FBLN2: variants seen among roughly 807,000 people sequenced by gnomAD.
The protein encoded by FBLN2 is fibulin 2, also known as fibulin-2.
A neutral mutation model predicts 123.7 loss-of-function variants in FBLN2; 81 were observed. The observed-to-expected ratio is 0.65, with a 90% CI of 0.55 to 0.79. FBLN2 has a LOEUF of 0.79. Ranked by LOEUF, FBLN2 falls within the 30% of genes least tolerant of loss-of-function variation. FBLN2 has a pLI of 0.00. For synonymous variants in FBLN2, 699 were observed against 701.4 expected (o/e 1.00, Z 0.05); for missense variants, 1,603 against 1,681.3 (o/e 0.95, Z 0.81).
chr3:13,559,675 G>C (rs953644190), intron 1 of FBLN2, among the ~76,000 whole-genome samples: 1 of 152,240 alleles, frequency 6.6e-6, no homozygotes, highest in South Asian at 2.1e-4. Context: ...AAACCACCCA[G>C]TGTCGCTGCA....
rs78052132 is a variant in FBLN2, at chr3:13,628,652, C to T, written c.2570-253C>T. Reference sequence around the variant, plus strand: ...GTGTAGTTATCCTAGCACTCAGCCTCGATCCCGCCCTGCCTCCAGCTGCTC... The same window carrying T: ...GTGTAGTTATCCTAGCACTCAGCCTTGATCCCGCCCTGCCTCCAGCTGCTC... On this transcript the variant is annotated intron_variant, in intron 11 of 17. Transcript: ENST00000404922. Among the ~76,000 whole-genome samples, 91 of 152,338 alleles carry T rather than the reference C, an allele frequency of 6.0e-4. No homozygotes were observed. The East Asian group carries it at 0.015, about 26-fold the overall frequency.
Position 13,635,135 on chromosome 3 carries a change from C to T in FBLN2, c.3215-1310C>T, listed in dbSNP as rs572989757. ...TCTGTCTGAGGAAGCCAGTGACCCTCGCTGCACAGGGCTGGTGTGAGGACT... is the reference window on the plus strand; with the variant it reads ...TCTGTCTGAGGAAGCCAGTGACCCTTGCTGCACAGGGCTGGTGTGAGGACT... On this transcript the variant is annotated intron_variant, in intron 16 of 17. Coordinates refer to ENST00000404922, the MANE Select transcript of FBLN2 (RefSeq NM_001004019.2). 4.6e-5 allele frequency among the ~76,000 whole-genome samples: 7 copies of T among 152,328 alleles called. No homozygotes were observed. The East Asian group carries it at 9.6e-4, about 21-fold the overall frequency.
chr3:13,551,564 A>G (rs1559395145), intron 1 of FBLN2, among the ~76,000 whole-genome samples: 1 of 152,128 alleles, frequency 6.6e-6, no homozygotes, highest in Non-Finnish European at 1.5e-5. Context: ...CTCCAAAGCA[A>G]AGCTCTTTGC....
chr3:13,606,908 C>T (rs1033179756), intron 2 of FBLN2, among the ~76,000 whole-genome samples: 31 of 152,330 alleles, frequency 2.0e-4, no homozygotes, highest in African/African-American at 7.0e-4. Context: ...CTGCCTAGGC[C>T]TCCCAAAGTG....
intron 4 of FBLN2, among the ~76,000 whole-genome samples, chr3:13,610,845 C>T (rs1225601308): frequency 6.6e-6 from 1 of 152,056 alleles, no homozygotes; most frequent in Admixed American, 6.6e-5. Flanking sequence ...CATTTGCCAC[C>T]TCTTGGTCCA....
chr3:13,629,013 G>A lies in FBLN2; in HGVS notation c.2678G>A (p.Gly893Asp), dbSNP rs776478547. ...CQRNPLICAR[G>D]YHASDDGTKC... is the part of the protein sequence containing the mutation. ...AGGAACCCGCTGATCTGCGCGCGCG[G>A]CTACCACGCCAGCGATGATGGGACC... The change falls in exon 12 of 18, where the codon GGC (glycine) becomes GAC (aspartate). Residue 893 changes from glycine (G) to aspartate (D), a missense_variant. Gly to Asp is a moderately conservative substitution (Grantham distance 94, BLOSUM62 -1). Transcript: ENST00000404922. 1 of 1,613,404 alleles carries A rather than the reference G, an allele frequency of 6.2e-7. No homozygotes were observed. Among genetic ancestry groups the A allele is most frequent in the Non-Finnish European group, 8.5e-7 (1 of 1,179,788 alleles).
Position 13,637,942 on chromosome 3 carries a change from G to T in FBLN2, c.*23G>T. 1.3e-6 allele frequency: 2 copies of T among 1,554,610 alleles called. No homozygotes were observed. Among genetic ancestry groups the T allele is most frequent in the Non-Finnish European group, 1.7e-6 (2 of 1,143,918 alleles). On this transcript the variant is annotated 3_prime_UTR_variant, in exon 18 of 18. Coordinates refer to ENST00000404922, the MANE Select transcript of FBLN2 (RefSeq NM_001004019.2). ...TGAGGTGCCAGCACGGGCCACCTGCGGGTGTGGCGCAGCCCAGGGCTCACA... is the reference window on the plus strand; with the variant it reads ...TGAGGTGCCAGCACGGGCCACCTGCTGGTGTGGCGCAGCCCAGGGCTCACA...
chr3:13,635,545 C>G (rs77753882), intron 16 of FBLN2, among the ~76,000 whole-genome samples: 1 of 152,192 alleles, frequency 6.6e-6, no homozygotes, highest in African/African-American at 2.4e-5. Flanking sequence ...TGGAGGTGTG[C>G]GTGTGCTCAC....
At chr3:13,586,871 G>GGTGCGGT (rs1704524322) in intron 2 of FBLN2, among the ~76,000 whole-genome samples, 1 of 151,318 alleles carries the variant, frequency 6.6e-6, no homozygotes, top group African/African-American at 2.4e-5. Context: ...AAATAGGCTG[G>GGTGCGGT]GTGCGGTGGC....
chr3:13,591,533 C>CT (rs1232593348), intron 2 of FBLN2, among the ~76,000 whole-genome samples: 2 of 152,374 alleles, frequency 1.3e-5, no homozygotes, highest in Admixed American at 6.5e-5. Flanking sequence ...AGTGATCCAC[C>CT]TACCTCAGCC....
rs772042846 is a variant in FBLN2 at position 13,571,604 on chromosome 3, G to A, written c.1249G>A (p.Val417Met). 5.6e-6 allele frequency: 9 copies of A among 1,612,388 alleles called. No homozygotes were observed. The highest frequency in any genetic ancestry group is 5.5e-5 in the South Asian group (5 of 90,702). Residue 417 changes from valine (V) to methionine (M), a missense_variant, in exon 2 of 18, where the codon GTG becomes ATG. Transcript: ENST00000404922. Reference protein sequence around the residue: ...RKPQVLPHSHVEEDTDPNSVH... With the variant: ...RKPQVLPHSHMEEDTDPNSVH... ...GCCGCAAGTTCTGCCCCATTCCCAC[G>A]TGGAGGAGGACACAGACCCCAACTC...
At chr3:13,580,664 T>A (rs533516538) in intron 2 of FBLN2, among the ~76,000 whole-genome samples, 3 of 152,292 alleles carry the variant, frequency 2.0e-5, no homozygotes, top group Admixed American at 1.3e-4. Context: ...CCAGTGAGTC[T>A]CACTGGTCAC....
intron 13 of FBLN2, 43 bp downstream of exon 13, chr3:13,629,335 G>T: frequency 1.3e-6 from 2 of 1,563,808 alleles, no homozygotes; most frequent in African/African-American, 1.3e-5. Flanking sequence ...ACACCTGGCT[G>T]GTCCCCTGCC....
At chr3:13,621,944 C>T (rs373874388) in intron 9 of FBLN2, 29 bp downstream of exon 9, 36 of 1,603,700 alleles carry the variant, frequency 2.2e-5, no homozygotes, top group African/African-American at 2.0e-4. Flanking sequence ...TGCCGCCCGC[C>T]GTCACAGCTC....
rs1430937000 is a variant in FBLN2 at position 13,633,065 on chromosome 3, C to G, written c.3214+1608C>G. 3.3e-5 allele frequency among the ~76,000 whole-genome samples: 5 copies of G among 152,242 alleles called. 1 individual carries two copies. In the South Asian group the frequency reaches 1.0e-3, roughly 32 times the overall value. On this transcript the variant is annotated intron_variant, in intron 16 of 17. Transcript: ENST00000404922. Reference sequence around the variant, plus strand: ...CTTGGAGGAGTTTCAGGATGCAAACCTGTCTGCATTGAGGACAGACTCTCC... The same window carrying G: ...CTTGGAGGAGTTTCAGGATGCAAACGTGTCTGCATTGAGGACAGACTCTCC...
chr3:13,575,036 TGTGA>T (rs1704090698), intron 2 of FBLN2, among the ~76,000 whole-genome samples: 1 of 152,254 alleles, frequency 6.6e-6, no homozygotes, highest in Non-Finnish European at 1.5e-5. Flanking sequence ...GAGGGTGCTC[TGTGA>T]GTATCTGTTG....
At position 13,619,807 on chromosome 3, in the gene FBLN2, A is replaced by G. The variant is rs1705783377; in HGVS notation, c.2131A>G (p.Met711Val). ...CTCCTGTTTTCCCGGCTATGCCATC[A>G]TGGCGGATGGCGTGTCCTGTGAAGG... ...ICSCFPGYAI[M>V]ADGVSCEDQD... Residue 711 changes from methionine (M) to valine (V), a missense_variant, in exon 8 of 18, where the codon ATG becomes GTG. Transcript: ENST00000404922. The G allele has an allele frequency of 3.7e-6, 6 of 1,612,532 alleles. No homozygotes were observed. Among genetic ancestry groups the G allele is most frequent in the Non-Finnish European group, 4.2e-6 (5 of 1,179,206 alleles).
chr3:13,629,452 GCCTGCCAGGA>G (rs1244842067), intron 13 of FBLN2, among the ~76,000 whole-genome samples, 160 bp downstream of exon 13: 1 of 152,076 alleles, frequency 6.6e-6, no homozygotes, highest in African/African-American at 2.4e-5. Context: ...CTCCTGCTGG[GCCTGCCAGGA>G]CCTGGCTCTG....
intron 16 of FBLN2, among the ~76,000 whole-genome samples, chr3:13,633,741 G>A (rs764997775): frequency 6.6e-6 from 1 of 152,180 alleles, no homozygotes; most frequent in Non-Finnish European, 1.5e-5. Flanking sequence ...AGGAAAATCC[G>A]AAGGAATTTA....
Sources: gnomAD v4.1 joint callset for allele counts (sites outside exome capture counted in the v4.1 genomes callset) on GRCh38, gnomAD v4.1.1 for gene constraint, MANE v1.5 for transcripts, NCBI Gene and HGNC (gene_info 2026-07-23, HGNC 2026-07-21) for gene names.